The following RADIL variants were observed in gnomAD, a reference collection of about 807,000 sequenced individuals.
The protein encoded by RADIL is ras-associating and dilute domain-containing protein.
A neutral mutation model predicts 97.6 loss-of-function variants in RADIL; 99 were observed. That is an observed-to-expected ratio of 1.01 (90% CI 0.86 to 1.20). The LOEUF (loss-of-function observed/expected upper bound fraction) is 1.20. Among genes scored for constraint, RADIL ranks in the 50% most tolerant of loss-of-function variants. The pLI is 0.00. For missense variants in RADIL, 1,765 were observed against 1,498.9 expected (o/e 1.18, Z -2.93); for synonymous variants, 803 against 691.8 (o/e 1.16, Z -2.52).
Position 4,800,792 on chromosome 7 carries a change from C to T in RADIL, c.2843-482G>A, listed in dbSNP as rs186252970. Among the ~76,000 whole-genome samples the T allele has an allele frequency of 1.1e-4, 17 of 152,314 alleles. No individual in the cohort carries two copies. The East Asian group carries it at 1.9e-3, about 17-fold the overall frequency. ...GCCCTCTCCATAATGGTGATCCTGC[C>T]GTGGGTGCACTTAGGTCAGAGATGA... On this transcript the variant is annotated intron_variant, in intron 12 of 14. Transcript: ENST00000399583.
rs1248408480 is a variant in RADIL, at chr7:4,815,082, T to C, written c.2139+196A>G. On this transcript the variant is annotated intron_variant, in intron 9 of 14. Coordinates refer to ENST00000399583, the MANE Select transcript of RADIL (RefSeq NM_018059.5). The surrounding 1 kb of genome is among the most constrained non-coding windows in gnomAD (Gnocchi z 8.0). ...AAGACGGTCACGGGTCTCAGACATCTTTGGGCCATTATCCTGTCTACCGCA... is the reference window on the plus strand; with the variant it reads ...AAGACGGTCACGGGTCTCAGACATCCTTGGGCCATTATCCTGTCTACCGCA... 6.6e-6 allele frequency among the ~76,000 whole-genome samples: 1 copy of C among 152,182 alleles called. No individual in the cohort carries two copies. Among genetic ancestry groups the C allele is most frequent in the African/African-American group, 2.4e-5 (1 of 41,446 alleles).
chr7:4,845,986 C>G (rs1290798448), intron 2 of RADIL, among the ~76,000 whole-genome samples: 3 of 152,142 alleles, frequency 2.0e-5, no homozygotes, highest in Non-Finnish European at 4.4e-5. Flanking sequence ...GTCACGGTGA[C>G]CAGCGAAGCA....
intron 2 of RADIL, among the ~76,000 whole-genome samples, chr7:4,841,443 A>C (rs1234649225): frequency 2.0e-5 from 3 of 152,188 alleles, no homozygotes; most frequent in African/African-American, 4.8e-5. Flanking sequence ...ACAGGGAGCA[A>C]AGTGACACCC....
At position 4,854,931 on chromosome 7, in the gene RADIL, G is replaced by A. The variant is rs566968117; in HGVS notation, c.536-18326C>T. 7.9e-5 allele frequency among the ~76,000 whole-genome samples: 12 copies of A among 152,246 alleles called. No individual in the cohort carries two copies. The highest frequency in any genetic ancestry group is 1.9e-4 in the East Asian group (1 of 5,182). ...AAAGGGAATCACTTTCCTGGATTCC[G>A]TGTTTAACATGGCCTTTTTTCATTT... On this transcript the variant is annotated intron_variant, in intron 2 of 14. Transcript: ENST00000399583. The surrounding 1 kb of genome is among the most constrained non-coding windows in gnomAD (Gnocchi z 5.1).
At chr7:4,830,601 G>C (rs1212040245) in intron 5 of RADIL, among the ~76,000 whole-genome samples, 1 of 152,178 alleles carries the variant, frequency 6.6e-6, no homozygotes, top group Non-Finnish European at 1.5e-5. Flanking sequence ...ACATCAGCCA[G>C]GCACAGTGGC....
Position 4,815,360 on chromosome 7 carries a change from A to G in RADIL, c.2057T>C (p.Phe686Ser), listed in dbSNP as rs1223817459. 6.4e-7 allele frequency: 1 copy of G among 1,559,830 alleles called. No homozygotes were observed. The highest frequency in any genetic ancestry group is 1.2e-5 in the South Asian group (1 of 84,744). Reference protein sequence around the residue: ...QLLEWMRSAGFGAAGEHFFQK... With the variant: ...QLLEWMRSAGSGAAGEHFFQK... The stretch of plus-strand genomic sequence containing the variant: ...GAAGAAGTGCTCTCCAGCCGCCCCG[A>G]AGCCGGCGCTCCGCATCCACTCCAG... The change falls in exon 9 of 15, where the codon TTC becomes TCC. Residue 686 changes from phenylalanine (F) to serine (S), a missense_variant. By Grantham distance (155) the Phe-to-Ser change is radical. Coordinates refer to ENST00000399583, the MANE Select transcript of RADIL (RefSeq NM_018059.5). This position sits in a 1 kb window ranked among gnomAD's most constrained non-coding sequence, Gnocchi z 8.0.
intron 5 of RADIL, among the ~76,000 whole-genome samples, chr7:4,828,970 CAGCACTTAGGAGGATG>C (rs1294406721): frequency 6.6e-6 from 1 of 152,192 alleles, no homozygotes; most frequent in East Asian, 1.9e-4. Context: ...CCCTGCACCT[CAGCACTTAGGAGGATG>C]AGGGCTGGGT....
chr7:4,839,331 G>C (rs998061512), intron 2 of RADIL, among the ~76,000 whole-genome samples: 5 of 152,154 alleles, frequency 3.3e-5, no homozygotes, highest in Non-Finnish European at 7.3e-5. Flanking sequence ...ATTTTATTGG[G>C]CTGGGGTCGG....
In RADIL at chr7:4,814,469, G is replaced by T. The variant is rs1047887839; in HGVS notation, c.2139+809C>A. ...ACCATCACAGTACAGCATGTTCAGC[G>T]TTTTCCAGGCAGGAGAGGAAACCAT... is the stretch of plus-strand genomic sequence containing the variant. On this transcript the variant is annotated intron_variant, in intron 9 of 14. Transcript: ENST00000399583. This position sits in a 1 kb window ranked among gnomAD's most constrained non-coding sequence, Gnocchi z 4.5. Among the ~76,000 whole-genome samples the T allele has an allele frequency of 1.3e-5, 2 of 151,774 alleles. No homozygotes were observed. Among genetic ancestry groups the T allele is most frequent in the Non-Finnish European group, 1.5e-5 (1 of 68,002 alleles).
rs539877153 is a variant in RADIL, at chr7:4,819,695, C to T, written c.1616-2344G>A. The stretch of plus-strand genomic sequence containing the variant: ...CTCGGGACGCGACAGCCCTGCTCTC[C>T]GAATTCTTCCCACAGACATTTCCTG... On this transcript the variant is annotated intron_variant, in intron 6 of 14. Transcript: ENST00000399583. This position sits in a 1 kb window ranked among gnomAD's most constrained non-coding sequence, Gnocchi z 5.8. Among the ~76,000 whole-genome samples, 8 of 152,322 alleles carry T rather than the reference C, an allele frequency of 5.3e-5. No homozygotes were observed. In the South Asian group the frequency reaches 1.0e-3, roughly 20 times the overall value.
chr7:4,836,650 C>T, intron 2 of RADIL, 45 bp from the exon 3 acceptor site: 2 of 1,600,168 alleles, frequency 1.2e-6, no homozygotes, highest in Non-Finnish European at 1.7e-6. Context: ...AGTCTCATAG[C>T]ACCAGGACTG....
rs962523212 is a variant in RADIL, at chr7:4,821,590, C to A, written c.1615+804G>T. Among the ~76,000 whole-genome samples, 1 of 152,176 alleles carries A rather than the reference C, an allele frequency of 6.6e-6. No individual in the cohort carries two copies. Among genetic ancestry groups the A allele is most frequent in the Admixed American group, 6.5e-5 (1 of 15,270 alleles). ...CAGAAATCCTGAAATGGTGGCCAGG[C>A]ACGGTGGCTCATGCCTGTAATCCCA... On this transcript the variant is annotated intron_variant, in intron 6 of 14. Coordinates refer to ENST00000399583, the MANE Select transcript of RADIL (RefSeq NM_018059.5). This position sits in a 1 kb window ranked among gnomAD's most constrained non-coding sequence, Gnocchi z 5.2.
intron 9 of RADIL, chr7:4,809,496 C>T: frequency 1.0e-6 from 1 of 985,344 alleles, no homozygotes; most frequent in Non-Finnish European, 1.2e-6. Context: ...TGTGTCCAGC[C>T]CCCAAAACAA....
In RADIL at chr7:4,817,442, G is replaced by C; in HGVS notation, c.1616-91C>G. The C allele has an allele frequency of 1.7e-6, 2 of 1,165,386 alleles. No homozygotes were observed. The highest frequency in any genetic ancestry group is 2.4e-6 in the Non-Finnish European group (2 of 824,606). 72.2% of individuals were successfully genotyped at this position (1,165,386 alleles called of 1,614,324 possible). On this transcript the variant is annotated intron_variant, in intron 6 of 14. Coordinates refer to ENST00000399583, the MANE Select transcript of RADIL (RefSeq NM_018059.5). The surrounding 1 kb of genome is among the most constrained non-coding windows in gnomAD (Gnocchi z 8.3). ...CAGCCGCCAGCTCTTTCCCTGGCGC[G>C]GGCACCACCCAACGCGCCCATCTGG...
intron 9 of RADIL, chr7:4,811,209 A>C (rs1255300853): frequency 6.6e-6 from 1 of 152,104 alleles, no homozygotes; most frequent in African/African-American, 2.4e-5. Flanking sequence ...CAAGTGAAGC[A>C]ATGCGAGTGG....
chr7:4,800,490 G>A (rs536784196), intron 12 of RADIL, among the ~76,000 whole-genome samples, 180 bp from the exon 13 acceptor site: 9 of 152,198 alleles, frequency 5.9e-5, no homozygotes, highest in Non-Finnish European at 7.4e-5. Context: ...GTCGGGGTCC[G>A]CCCATGGGCG....
At position 4,837,469 on chromosome 7, in the gene RADIL, G is replaced by C. The variant is rs1017391609; in HGVS notation, c.536-864C>G. Among the ~76,000 whole-genome samples the C allele has an allele frequency of 6.6e-6, 1 of 152,184 alleles. No individual in the cohort carries two copies. Among genetic ancestry groups the C allele is most frequent in the African/African-American group, 2.4e-5 (1 of 41,448 alleles). On this transcript the variant is annotated intron_variant, in intron 2 of 14. Coordinates refer to ENST00000399583, the MANE Select transcript of RADIL (RefSeq NM_018059.5). The surrounding 1 kb of genome is among the most constrained non-coding windows in gnomAD (Gnocchi z 5.6). The stretch of plus-strand genomic sequence containing the variant: ...ACCCCAGCCCATGGGGCTGCCGATG[G>C]CCTGCTCCTGCAACAGCATCGCTGC...
intron 2 of RADIL, among the ~76,000 whole-genome samples, chr7:4,876,128 A>G (rs1784371426): frequency 6.6e-6 from 1 of 152,048 alleles, no homozygotes; most frequent in South Asian, 2.1e-4. Context: ...AGCTGGGACC[A>G]TAGGTATGCA....
chr7:4,836,438 C>T lies in RADIL; in HGVS notation c.703G>A (p.Glu235Lys), dbSNP rs1783302240. The T allele has an allele frequency of 5.6e-6, 9 of 1,595,850 alleles. No homozygotes were observed. The highest frequency in any genetic ancestry group is 1.1e-5 in the South Asian group (1 of 88,996). ...ALPAAAQGPE[E>K]PGPDAMRYSL... is the part of the protein sequence containing the mutation. Reference sequence around the variant, plus strand: ...TACCGCATGGCGTCGGGGCCGGGCTCCTCGGGGCCCTGGGCGGCAGCGGGC... The same window carrying T: ...TACCGCATGGCGTCGGGGCCGGGCTTCTCGGGGCCCTGGGCGGCAGCGGGC... Residue 235 changes from glutamate (E) to lysine (K), a missense_variant, in exon 3 of 15, where the codon GAG becomes AAG. Physicochemically the swap from Glu to Lys is moderately conservative, Grantham distance 56 (BLOSUM62 1). Transcript: ENST00000399583.
Sources: allele counts gnomAD v4.1 joint callset (sites outside exome capture counted in the v4.1 genomes callset), GRCh38; gene constraint gnomAD v4.1.1; non-coding constraint Gnocchi (gnomAD v3.1); transcripts MANE v1.5; gene names NCBI Gene and HGNC (gene_info 2026-07-23, HGNC 2026-07-21).